The following CDH13 variants were observed in gnomAD, a reference collection of about 807,000 sequenced individuals.
CDH13 encodes the protein cadherin-13.
Under a neutral mutation model 63.8 loss-of-function variants are expected in CDH13, and 24 were observed. That is an observed-to-expected ratio of 0.38 (90% confidence interval 0.27 to 0.53). The LOEUF (loss-of-function observed/expected upper bound fraction) is 0.53. Among genes scored for constraint, CDH13 ranks in the 20% least tolerant of loss-of-function variants. The pLI is 0.85. For synonymous variants in CDH13, 503 were observed against 355.3 expected (o/e 1.42, Z -4.67); for missense variants, 1,049 against 903.1 (o/e 1.16, Z -2.07).
chr16:82,744,680 C>T (rs62034482), intron 1 of CDH13, among the ~76,000 whole-genome samples: 36,117 of 152,064 alleles, frequency 0.24, 5,212 homozygotes, highest in South Asian at 0.37. Flanking sequence ...TAAGCTGTGA[C>T]TTTTGAGTGC....
chr16:83,579,775 G>A (rs933704751), intron 7 of CDH13, among the ~76,000 whole-genome samples: 3 of 151,962 alleles, frequency 2.0e-5, no homozygotes, highest in Admixed American at 1.3e-4. Context: ...AGCCAAATGT[G>A]CCATTGTGAT....
chr16:83,656,621 T>A (rs1912895076), intron 8 of CDH13, among the ~76,000 whole-genome samples: 1 of 152,184 alleles, frequency 6.6e-6, no homozygotes, highest in South Asian at 2.1e-4. Context: ...ATTGTTACCC[T>A]TGAATGGTAA....
At chr16:83,353,999 T>C (rs2091007783) in intron 6 of CDH13, among the ~76,000 whole-genome samples, 1 of 152,218 alleles carries the variant, frequency 6.6e-6, no homozygotes, top group Non-Finnish European at 1.5e-5. Flanking sequence ...TTAAAATTAA[T>C]TGAGTAACTT....
At chr16:83,014,756 A>ATATATATATATATATATATG (rs1431934131) in intron 2 of CDH13, among the ~76,000 whole-genome samples, 3 of 46,192 alleles carry the variant, frequency 6.5e-5, no homozygotes, top group Non-Finnish European at 1.4e-4. Context: ...ATATATATAT[A>ATATATATATATATATATATG]TATATATATA....
At chr16:83,210,280 G>T (rs757117178) in intron 4 of CDH13, among the ~76,000 whole-genome samples, 1 of 151,944 alleles carries the variant, frequency 6.6e-6, no homozygotes, top group African/African-American at 2.4e-5. Context: ...GGCCAAGCTG[G>T]TCTTGAACTC....
chr16:83,545,200 G>C (rs993269386), intron 7 of CDH13, among the ~76,000 whole-genome samples: 1 of 152,110 alleles, frequency 6.6e-6, no homozygotes, highest in Non-Finnish European at 1.5e-5. Flanking sequence ...ATGACCCTTG[G>C]GTGGGAAGGT....
At chr16:82,898,261 A>C (rs769560810) in intron 2 of CDH13, among the ~76,000 whole-genome samples, 20 of 152,204 alleles carry the variant, frequency 1.3e-4, no homozygotes, top group Non-Finnish European at 2.8e-4. Flanking sequence ...GTGGTGGCTC[A>C]TTCCAGTAAT....
chr16:82,883,647 C>T (rs749453693), intron 2 of CDH13, among the ~76,000 whole-genome samples: 13 of 152,158 alleles, frequency 8.5e-5, no homozygotes, highest in Non-Finnish European at 1.5e-4. Flanking sequence ...CTCATCTCTA[C>T]GAGGGAGTCA....
intron 2 of CDH13, among the ~76,000 whole-genome samples, chr16:82,898,955 A>T (rs528030306): frequency 6.6e-6 from 1 of 152,236 alleles, no homozygotes; most frequent in Admixed American, 6.5e-5. Flanking sequence ...AAGGGGCAAA[A>T]CCTTGGATGA....
intron 5 of CDH13, among the ~76,000 whole-genome samples, chr16:83,322,658 G>A (rs564875666): frequency 6.6e-6 from 1 of 152,224 alleles, no homozygotes; most frequent in South Asian, 2.1e-4. Context: ...CCAGATGAAG[G>A]ATGAACTCTG....
rs1376798096 is a variant in CDH13, at chr16:83,799,808, T to C, written c.*4778T>C. 3.3e-5 allele frequency: 5 copies of C among 152,196 alleles called. No homozygotes were observed. Among genetic ancestry groups the C allele is most frequent in the African/African-American group, 7.2e-5 (3 of 41,456 alleles). 9.4% of individuals were successfully genotyped at this position (152,196 alleles called of 1,614,324 possible). ...CCCTTACTATATTTCCTATTGCTAA[T>C]AGATTAGCCCACTATTGAAAAAATT... On this transcript the variant is annotated 3_prime_UTR_variant, in exon 14 of 14. Coordinates refer to ENST00000567109, the MANE Select transcript of CDH13 (RefSeq NM_001257.5).
At chr16:83,403,535 G>C (rs2091999676) in intron 6 of CDH13, among the ~76,000 whole-genome samples, 1 of 152,050 alleles carries the variant, frequency 6.6e-6, no homozygotes, top group Non-Finnish European at 1.5e-5. Flanking sequence ...AGACAGGAGA[G>C]TGGCGTGAAC....
At chr16:82,767,959 A>T (rs1597511623) in intron 1 of CDH13, among the ~76,000 whole-genome samples, 1 of 152,188 alleles carries the variant, frequency 6.6e-6, no homozygotes, top group East Asian at 1.9e-4. Context: ...AAGGCCTCAA[A>T]GAGAAACGAA....
intron 5 of CDH13, among the ~76,000 whole-genome samples, chr16:83,226,498 T>C (rs2113295): frequency 0.1 from 15,185 of 152,266 alleles, 1,006 homozygotes; most frequent in Admixed American, 0.13. Context: ...TTTGCACCTG[T>C]GGCACCTGGC....
At chr16:83,597,127 T>C (rs577643729) in intron 7 of CDH13, among the ~76,000 whole-genome samples, 1 of 151,910 alleles carries the variant, frequency 6.6e-6, no homozygotes. Context: ...GGGTGCTAAG[T>C]TGGGAGGATC....
intron 6 of CDH13, among the ~76,000 whole-genome samples, chr16:83,453,614 A>G (rs532900347): frequency 6.6e-6 from 1 of 152,110 alleles, no homozygotes; most frequent in South Asian, 2.1e-4. Context: ...AATTGAGTCT[A>G]TCTGTGGGGT....
At chr16:83,090,120 A>G (rs2033820407) in intron 3 of CDH13, among the ~76,000 whole-genome samples, 1 of 152,074 alleles carries the variant, frequency 6.6e-6, no homozygotes, top group Admixed American at 6.5e-5. Context: ...CCCACCCACA[A>G]AAGCCTACAG....
intron 8 of CDH13, among the ~76,000 whole-genome samples, chr16:83,630,680 G>C (rs1910698128): frequency 1.3e-5 from 2 of 152,164 alleles, no homozygotes; most frequent in Admixed American, 6.5e-5. Flanking sequence ...GGATGACTTT[G>C]AGTTCTGTCT....
intron 1 of CDH13, among the ~76,000 whole-genome samples, chr16:82,706,631 C>T (rs1292418964): frequency 6.7e-6 from 1 of 149,436 alleles, no homozygotes; most frequent in East Asian, 2.0e-4. Context: ...CCCGTCTCTA[C>T]TAAAACTAAA....
Sources: allele counts gnomAD v4.1 joint callset (sites outside exome capture counted in the v4.1 genomes callset), GRCh38; gene constraint gnomAD v4.1.1; transcripts MANE v1.5; gene names NCBI Gene and HGNC (gene_info 2026-07-23, HGNC 2026-07-21).